The following DTX4 variants were observed in gnomAD, a reference collection of about 807,000 sequenced individuals.
The protein encoded by DTX4 is E3 ubiquitin-protein ligase DTX4.
In DTX4, 28 loss-of-function variants were observed where a neutral mutation model predicts 57.6. The observed-to-expected ratio is 0.49, with a 90% confidence interval of 0.36 to 0.67. The LOEUF (loss-of-function observed/expected upper bound fraction) is 0.67. Among genes scored for constraint, DTX4 ranks in the 30% least tolerant of loss-of-function variants. The probability of loss-of-function intolerance (pLI) is 0.00; values close to 1 mark genes in which losing one functional copy is unlikely to be tolerated. For missense variants in DTX4, 715 were observed against 836.8 expected (o/e 0.85, Z 1.80); for synonymous variants, 316 against 331.0 (o/e 0.95, Z 0.49).
intron 1 of DTX4, among the ~76,000 whole-genome samples, chr11:59,174,324 G>C (rs558422801): frequency 1.4e-4 from 22 of 152,024 alleles, no homozygotes; most frequent in African/African-American, 4.6e-4. Flanking sequence ...TGTGGCTGAG[G>C]GGGAGGGAGA....
At chr11:59,178,376 C>T (rs1397221376) in intron 1 of DTX4, among the ~76,000 whole-genome samples, 1 of 152,172 alleles carries the variant, frequency 6.6e-6, no homozygotes, top group Non-Finnish European at 1.5e-5. Context: ...TTGGCATTCT[C>T]CTTGTGATAC....
intron 1 of DTX4, among the ~76,000 whole-genome samples, chr11:59,174,860 A>G (rs926572094): frequency 5.3e-5 from 8 of 152,282 alleles, no homozygotes; most frequent in Non-Finnish European, 5.9e-5. Context: ...AGGCTGCCTC[A>G]GGGTGTGTTT....
chr11:59,193,651 C>G (rs952708331), intron 6 of DTX4, among the ~76,000 whole-genome samples: 1 of 152,132 alleles, frequency 6.6e-6, no homozygotes, highest in Non-Finnish European at 1.5e-5. Context: ...AGAGTCTATG[C>G]TTTATTCTCT....
At chr11:59,198,055 T>C (rs890838842) in intron 7 of DTX4, among the ~76,000 whole-genome samples, 2 of 152,178 alleles carry the variant, frequency 1.3e-5, no homozygotes, top group African/African-American at 4.8e-5. Flanking sequence ...AGCAGGACAC[T>C]CAGTGCCATG....
At position 59,172,140 on chromosome 11, in the gene DTX4, C is replaced by T. The variant is rs148241194; in HGVS notation, c.-456C>T. ...GGGGACCAGAGCGTGCCATTCCGAG[C>T]GCGGCCGTGCGGCGAGATCCCACCC... On this transcript the variant is annotated 5_prime_UTR_variant, in exon 1 of 9. Coordinates refer to ENST00000227451, the MANE Select transcript of DTX4 (RefSeq NM_015177.2). 0.038 allele frequency among the ~76,000 whole-genome samples: 5,709 copies of T among 152,032 alleles called. 142 individuals are homozygous for T. The highest frequency in any genetic ancestry group is 0.053 in the Non-Finnish European group (3,591 of 67,926).
chr11:59,194,053 G>C (rs148000542), intron 6 of DTX4, among the ~76,000 whole-genome samples: 1 of 152,228 alleles, frequency 6.6e-6, no homozygotes, highest in East Asian at 1.9e-4. Context: ...ACCTCACCAG[G>C]TCCTGCAGTG....
chr11:59,195,721 T>G (rs957062581), intron 7 of DTX4, among the ~76,000 whole-genome samples: 2 of 152,250 alleles, frequency 1.3e-5, no homozygotes, highest in African/African-American at 4.8e-5. Context: ...CTCGTTCTTG[T>G]GTCTGTGTAA....
At chr11:59,192,360 G>T in intron 6 of DTX4, 110 bp downstream of exon 6, 3 of 1,317,226 alleles carry the variant, frequency 2.3e-6, no homozygotes, top group Non-Finnish European at 3.2e-6. Flanking sequence ...AAGTCTTAGA[G>T]GTTATCCCTA....
rs1470276127 is a variant in DTX4, at chr11:59,207,453, C to T, written c.*2544C>T. ...TGCCCAGTAGGGGCTACCTCATCCT[C>T]GTGCTGTTCTTGTGTGGCTTTCTGG... On this transcript the variant is annotated 3_prime_UTR_variant, in exon 9 of 9. Coordinates refer to ENST00000227451, the MANE Select transcript of DTX4 (RefSeq NM_015177.2). 1 of 152,452 alleles carries T rather than the reference C, an allele frequency of 6.6e-6. No homozygotes were observed. The highest frequency in any genetic ancestry group is 6.5e-5 in the Admixed American group (1 of 15,280). The allele number at this position is 152,452 out of a possible 1,614,324, so 9.4% of individuals were successfully genotyped here. A position where few individuals can be genotyped will look rare whatever the true frequency, so the allele number is the denominator to read the frequency against.
upstream of DTX4, among the ~76,000 whole-genome samples, chr11:59,172,079 T>C (rs1590975693): frequency 1.0e-5 from 1 of 97,490 alleles, no homozygotes. Flanking sequence ...CTGCAATTCG[T>C]GCGGCGAAGG....
chr11:59,180,622 G>A (rs1394937458), intron 1 of DTX4, among the ~76,000 whole-genome samples: 1 of 152,120 alleles, frequency 6.6e-6, no homozygotes, highest in Non-Finnish European at 1.5e-5. Context: ...CATCCCAGGG[G>A]CCCTCCCCGA....
intron 4 of DTX4, 56 bp from the exon 5 acceptor site, chr11:59,191,058 G>A: frequency 6.6e-7 from 1 of 1,516,792 alleles, no homozygotes; most frequent in Admixed American, 2.0e-5. Flanking sequence ...GCACGACAAG[G>A]CTGTTTGATC....
intron 4 of DTX4, among the ~76,000 whole-genome samples, chr11:59,190,371 A>T (rs1443207561): frequency 6.6e-6 from 1 of 152,232 alleles, no homozygotes; most frequent in Non-Finnish European, 1.5e-5. Flanking sequence ...CAACCCTTTG[A>T]GGTAGTGCTA....
Position 59,182,267 on chromosome 11 carries a change from G to C in DTX4, c.740G>C (p.Arg247Pro). The part of the protein sequence containing the change: ...AKPLDSTGTI[R>P]GPLKTAPSQV... ...CCACTGGACAGCACAGGCACCATTC[G>C]AGGCCCACTGAAGACCGCCCCATCG... The change falls in exon 2 of 9, where the codon CGA (arginine) becomes CCA (proline). Residue 247 changes from arginine (R) to proline (P), a missense_variant. By Grantham distance (103) the Arg-to-Pro change is moderately radical. Coordinates refer to ENST00000227451, the MANE Select transcript of DTX4 (RefSeq NM_015177.2). The C allele has an allele frequency of 6.2e-7, 1 of 1,612,218 alleles. No individual in the cohort carries two copies. The highest frequency in any genetic ancestry group is 8.5e-7 in the Non-Finnish European group (1 of 1,179,826).
intron 7 of DTX4, among the ~76,000 whole-genome samples, chr11:59,198,796 G>T (rs184189098): frequency 1.3e-4 from 20 of 152,268 alleles, no homozygotes; most frequent in Middle Eastern, 3.4e-3. Flanking sequence ...TCCCTCAGGG[G>T]GTCAGGGATC....
rs373681418 is a variant in DTX4, at chr11:59,181,818, C to G, written c.291C>G (p.Asn97Lys). ...AGGGCGTGGTGTGGGAGTGGGAGAA[C>G]GACAATGGCTCCTGGACGCCCTACG... ...PGKGVVWEWE[N>K]DNGSWTPYDM... The change falls in exon 2 of 9, where the codon AAC becomes AAG. Residue 97 changes from asparagine (N) to lysine (K), a missense_variant. Physicochemically the swap from Asn to Lys is moderately conservative, Grantham distance 94. Transcript: ENST00000227451. 2 of 1,613,954 alleles carry G rather than the reference C, an allele frequency of 1.2e-6. No homozygotes were observed. Among genetic ancestry groups the G allele is most frequent in the Non-Finnish European group, 1.7e-6 (2 of 1,179,882 alleles).
At chr11:59,194,989 A>G (rs1337758855) in intron 6 of DTX4, 1 of 586,824 alleles carries the variant, frequency 1.7e-6, no homozygotes, top group African/African-American at 1.9e-5. Context: ...ATCCCTCAGC[A>G]TGGAGCATGG....
At chr11:59,174,754 T>C (rs971799541) in intron 1 of DTX4, among the ~76,000 whole-genome samples, 2 of 152,196 alleles carry the variant, frequency 1.3e-5, no homozygotes, top group Non-Finnish European at 2.9e-5. Context: ...TGATCACTCT[T>C]ACCTGAGGAC....
intron 6 of DTX4, among the ~76,000 whole-genome samples, chr11:59,192,460 G>A (rs1161904653): frequency 1.3e-5 from 2 of 152,016 alleles, no homozygotes; most frequent in Admixed American, 6.5e-5. Context: ...CTTCCCTTTT[G>A]GGCTGTGCTA....
Sources: allele counts gnomAD v4.1 joint callset (sites outside exome capture counted in the v4.1 genomes callset), GRCh38; gene constraint gnomAD v4.1.1; transcripts MANE v1.5; gene names NCBI Gene and HGNC (gene_info 2026-07-23, HGNC 2026-07-21).